The following PLPPR1 variants were observed in gnomAD, a reference collection of about 807,000 sequenced individuals.
PLPPR1 encodes phospholipid phosphatase-related protein type 1.
Under a neutral mutation model 33.1 loss-of-function variants are expected in PLPPR1, and 10 were observed. The observed-to-expected ratio is 0.30, with a 90% confidence interval of 0.19 to 0.51. The LOEUF (loss-of-function observed/expected upper bound fraction) is 0.51, where lower values mean the gene tolerates loss of function less well. Among genes scored for constraint, PLPPR1 ranks in the 20% least tolerant of loss-of-function variants. The pLI, the probability that PLPPR1 is intolerant of heterozygous loss-of-function variation, is 0.97. For synonymous variants in PLPPR1, 151 were observed against 151.0 expected (o/e 1.00, Z 0.00); for missense variants, 304 against 408.1 (o/e 0.74, Z 2.20).
intron 1 of PLPPR1, among the ~76,000 whole-genome samples, chr9:101,124,793 A>T (rs1357464337): frequency 6.6e-6 from 1 of 152,142 alleles, no homozygotes; most frequent in African/African-American, 2.4e-5. Flanking sequence ...TCTTCCCCAT[A>T]TAGTTATCTT....
At chr9:101,228,174 T>G (rs1827110123) in intron 2 of PLPPR1, among the ~76,000 whole-genome samples, 1 of 152,120 alleles carries the variant, frequency 6.6e-6, no homozygotes, top group Non-Finnish European at 1.5e-5. Flanking sequence ...CACACACACA[T>G]GCACACACTC....
intron 1 of PLPPR1, among the ~76,000 whole-genome samples, chr9:101,039,250 C>T (rs1830047455): frequency 6.6e-6 from 1 of 152,102 alleles, no homozygotes; most frequent in Admixed American, 6.5e-5. Flanking sequence ...CTCTGCCATC[C>T]ACTAGCTTTG....
At chr9:101,108,003 C>A (rs547574152) in intron 1 of PLPPR1, among the ~76,000 whole-genome samples, 1 of 149,194 alleles carries the variant, frequency 6.7e-6, no homozygotes, top group Non-Finnish European at 1.5e-5. Flanking sequence ...CGCCCTGCTT[C>A]GGCTCGCGCA....
chr9:101,144,719 G>A (rs1831500098), intron 1 of PLPPR1, among the ~76,000 whole-genome samples: 1 of 152,202 alleles, frequency 6.6e-6, no homozygotes, highest in Non-Finnish European at 1.5e-5. Flanking sequence ...GGTGGGATCT[G>A]AGAATCTGCA....
chr9:101,195,845 A>G (rs1055258327), intron 2 of PLPPR1, among the ~76,000 whole-genome samples: 4 of 152,204 alleles, frequency 2.6e-5, no homozygotes, highest in African/African-American at 9.7e-5. Flanking sequence ...AGCATTCTTC[A>G]TAACGTTGAA....
rs539047872 is a variant in PLPPR1 at position 101,151,532 on chromosome 9, G to C, written c.-45-33918G>C. ...TGTTCTAGAATCATACAGAATAGCA[G>C]AGCAGCATCCTAAGCAATGAGCTAA... On this transcript the variant is annotated intron_variant, in intron 1 of 7. Transcript: ENST00000374874. Among the ~76,000 whole-genome samples, 248 of 152,298 alleles carry C rather than the reference G, an allele frequency of 1.6e-3. 2 individuals carry two copies. The highest frequency in any genetic ancestry group is 2.3e-3 in the South Asian group (11 of 4,822).
intron 2 of PLPPR1, among the ~76,000 whole-genome samples, chr9:101,194,202 C>T (rs937856811): frequency 6.6e-6 from 1 of 152,046 alleles, no homozygotes; most frequent in Non-Finnish European, 1.5e-5. Flanking sequence ...TATAATAAAA[C>T]ATAATTTAAT....
intron 1 of PLPPR1, among the ~76,000 whole-genome samples, chr9:101,120,277 T>G (rs770287631): frequency 1.1e-4 from 17 of 152,226 alleles, no homozygotes; most frequent in Middle Eastern, 3.2e-3. Flanking sequence ...TGTGAGTTCC[T>G]ATTGTTAGCC....
intron 1 of PLPPR1, among the ~76,000 whole-genome samples, chr9:101,160,481 T>C (rs1054973837): frequency 2.0e-5 from 3 of 152,182 alleles, no homozygotes; most frequent in Non-Finnish European, 4.4e-5. Flanking sequence ...AGCTTTCACA[T>C]GGGAAATCAA....
At chr9:101,110,031 C>G (rs923975771) in intron 1 of PLPPR1, among the ~76,000 whole-genome samples, 1 of 152,118 alleles carries the variant, frequency 6.6e-6, no homozygotes, top group African/African-American at 2.4e-5. Context: ...TTCAACAGTA[C>G]TAAAAGAAAA....
chr9:101,092,153 T>C (rs544228395), intron 1 of PLPPR1, among the ~76,000 whole-genome samples: 55 of 152,290 alleles, frequency 3.6e-4, no homozygotes, highest in Non-Finnish European at 5.6e-4. Context: ...GTAGAACACA[T>C]TGTGTTTCTA....
chr9:101,215,605 C>T (rs1489861254), intron 2 of PLPPR1, among the ~76,000 whole-genome samples: 4 of 152,136 alleles, frequency 2.6e-5, no homozygotes, highest in Admixed American at 2.0e-4. Flanking sequence ...CTTATGTACT[C>T]ATTTAATCAT....
intron 2 of PLPPR1, among the ~76,000 whole-genome samples, chr9:101,218,156 C>T (rs1443471508): frequency 1.3e-5 from 2 of 152,054 alleles, no homozygotes; most frequent in Non-Finnish European, 2.9e-5. Context: ...GAAGAATACA[C>T]TATTCTTGAT....
At chr9:101,168,380 G>A (rs1425538469) in intron 1 of PLPPR1, among the ~76,000 whole-genome samples, 1 of 152,070 alleles carries the variant, frequency 6.6e-6, no homozygotes, top group African/African-American at 2.4e-5. Context: ...GATATGATAT[G>A]GGATGTTCTG....
chr9:101,268,768 T>TC (rs1828044154), intron 2 of PLPPR1, among the ~76,000 whole-genome samples: 1 of 152,236 alleles, frequency 6.6e-6, no homozygotes, highest in Non-Finnish European at 1.5e-5. Flanking sequence ...TCTAAAGATG[T>TC]CCTACCAAGT....
intron 1 of PLPPR1, among the ~76,000 whole-genome samples, chr9:101,049,450 G>A (rs1305051080): frequency 1.3e-5 from 2 of 152,064 alleles, no homozygotes; most frequent in African/African-American, 2.4e-5. Context: ...TTATCCTTTG[G>A]CAGCTGGAAA....
intron 1 of PLPPR1, among the ~76,000 whole-genome samples, chr9:101,042,287 T>G (rs1251728570): frequency 6.6e-6 from 1 of 152,182 alleles, no homozygotes; most frequent in Admixed American, 6.5e-5. Context: ...AACTCTCCAC[T>G]CACCTGTAAG....
intron 2 of PLPPR1, among the ~76,000 whole-genome samples, chr9:101,258,105 T>C (rs989269442): frequency 2.0e-5 from 3 of 152,142 alleles, no homozygotes; most frequent in African/African-American, 4.8e-5. Flanking sequence ...GTACAATGCC[T>C]AAAGCTGCAC....
At position 101,238,152 on chromosome 9, in the gene PLPPR1, CAT is replaced by C. The variant is rs1270124605; in HGVS notation, c.64-31724_64-31723del. 5.2e-5 allele frequency among the ~76,000 whole-genome samples: 7 copies of C among 135,276 alleles called. No individual in the cohort carries two copies. In the Admixed American group the frequency reaches 5.2e-4, roughly 10 times the overall value. 88.7% of individuals were successfully genotyped at this position (135,276 alleles called of 152,430 possible). On this transcript the variant is annotated intron_variant, in intron 2 of 7. Transcript: ENST00000374874. ...ATATACATATACACACATATATATA[CAT>C]ATACACACATATATATACCCTATAT...
Sources: allele counts gnomAD v4.1 joint callset (sites outside exome capture counted in the v4.1 genomes callset), GRCh38; gene constraint gnomAD v4.1.1; transcripts MANE v1.5; gene names NCBI Gene and HGNC (gene_info 2026-07-23, HGNC 2026-07-21).